SLX4IP: variants seen among roughly 807,000 people sequenced by gnomAD.
SLX4IP encodes protein SLX4IP.
SLX4IP carries 34 observed loss-of-function variants against 32.9 expected under a neutral mutation model. That is an observed-to-expected ratio of 1.03 (90% CI 0.79 to 1.38). The LOEUF (loss-of-function observed/expected upper bound fraction) is 1.38. Ranked by LOEUF, SLX4IP falls within the 40% of genes most tolerant of loss-of-function variation. SLX4IP has a pLI of 0.00. For synonymous variants in SLX4IP, 172 were observed against 171.7 expected, an observed-to-expected ratio of 1.00 and a Z score of -0.01; for missense variants, 444 against 479.0, an observed-to-expected ratio of 0.93 and a Z score of 0.68.
intron 6 of SLX4IP, among the ~76,000 whole-genome samples, chr20:10,602,743 C>T (rs890448192): frequency 5.3e-5 from 8 of 152,106 alleles, no homozygotes; most frequent in Non-Finnish European, 8.8e-5. Flanking sequence ...ATTTTTTAAT[C>T]CGTATGAAAT....
chr20:10,452,033 A>T (rs1444740262), intron 1 of SLX4IP, among the ~76,000 whole-genome samples: 1 of 152,222 alleles, frequency 6.6e-6, no homozygotes, highest in Admixed American at 6.5e-5. Flanking sequence ...TTACTTTTTT[A>T]AAAATGCAAC....
At chr20:10,464,432 G>A (rs1240717343) in intron 2 of SLX4IP, among the ~76,000 whole-genome samples, 1 of 152,142 alleles carries the variant, frequency 6.6e-6, no homozygotes, top group Non-Finnish European at 1.5e-5. Context: ...TGTAATCCCT[G>A]CATTTTGGAA....
chr20:10,612,535 C>CTCTG (rs1316019227), intron 6 of SLX4IP, among the ~76,000 whole-genome samples: 2 of 152,124 alleles, frequency 1.3e-5, no homozygotes, highest in Non-Finnish European at 2.9e-5. Context: ...TTTCAAAATA[C>CTCTG]TCTGGTTGGG....
chr20:10,492,873 A>G (rs2065636106), intron 2 of SLX4IP, among the ~76,000 whole-genome samples: 1 of 152,196 alleles, frequency 6.6e-6, no homozygotes, highest in Non-Finnish European at 1.5e-5. Flanking sequence ...CCTCTGTCAT[A>G]TAGTATGATT....
At position 10,457,510 on chromosome 20, in the gene SLX4IP, T is replaced by G. The variant is rs924527272; in HGVS notation, c.-29-666T>G. Among the ~76,000 whole-genome samples, 77 of 151,968 alleles carry G rather than the reference T, an allele frequency of 5.1e-4. 1 individual carries two copies. The highest frequency in any genetic ancestry group is 1.8e-3 in the African/African-American group (76 of 41,518). ...ATTCTATTAATAGAGTGTATTATAT[T>G]GATTAATTTTCAGATCTTAAACTAT... On this transcript the variant is annotated intron_variant, in intron 1 of 7. Transcript: ENST00000334534.
chr20:10,511,890 A>T (rs1250646160), intron 2 of SLX4IP, among the ~76,000 whole-genome samples: 1 of 152,258 alleles, frequency 6.6e-6, no homozygotes, highest in African/African-American at 2.4e-5. Context: ...AAATTTATTG[A>T]AATTTAACAT....
At chr20:10,512,451 A>G (rs1349560977) in intron 2 of SLX4IP, among the ~76,000 whole-genome samples, 1 of 151,164 alleles carries the variant, frequency 6.6e-6, no homozygotes, top group Non-Finnish European at 1.5e-5. Context: ...TGCTCTGTCA[A>G]CCAGGCTGGA....
At chr20:10,598,582 T>C (rs1315178049) in intron 4 of SLX4IP, 93 bp from the exon 5 acceptor site, 3 of 1,148,544 alleles carry the variant, frequency 2.6e-6, no homozygotes, top group Non-Finnish European at 3.9e-6. Context: ...TAAATAACTA[T>C]TGAATGTGTC....
At chr20:10,498,804 C>A (rs1378814548) in intron 2 of SLX4IP, among the ~76,000 whole-genome samples, 3 of 150,270 alleles carry the variant, frequency 2.0e-5, no homozygotes, top group Non-Finnish European at 3.0e-5. Context: ...TATTAAAATT[C>A]TTTTTGAAAA....
intron 4 of SLX4IP, among the ~76,000 whole-genome samples, chr20:10,592,622 C>CTTTTTTTTTT (rs33995611): frequency 3.6e-5 from 2 of 55,136 alleles, no homozygotes; most frequent in East Asian, 7.5e-4. Context: ...TATTCTTCAT[C>CTTTTTTTTTT]TTTTTTTTTT....
chr20:10,500,133 T>TTC (rs1225999279), intron 2 of SLX4IP, among the ~76,000 whole-genome samples: 1 of 139,392 alleles, frequency 7.2e-6, no homozygotes, highest in Non-Finnish European at 1.6e-5. Context: ...CAAAATTCTT[T>TTC]TTTTTTTTTT....
chr20:10,587,632 G>A (rs1170425162), intron 4 of SLX4IP, among the ~76,000 whole-genome samples: 2 of 152,014 alleles, frequency 1.3e-5, no homozygotes, highest in East Asian at 3.9e-4. Flanking sequence ...AAACAGAATA[G>A]CACTGGCGTA....
chr20:10,474,663 T>C (rs1013661939), intron 2 of SLX4IP, among the ~76,000 whole-genome samples: 5 of 152,206 alleles, frequency 3.3e-5, no homozygotes, highest in Admixed American at 6.5e-5. Flanking sequence ...GGCTGGAGCC[T>C]CTCCACTTCC....
intron 2 of SLX4IP, among the ~76,000 whole-genome samples, chr20:10,493,638 G>A (rs1452433913): frequency 1.3e-5 from 2 of 151,598 alleles, no homozygotes; most frequent in Non-Finnish European, 2.9e-5. Context: ...GCATTGCCTA[G>A]GACCAATGCA....
In SLX4IP at chr20:10,619,639, G is replaced by C. The variant is rs896007602; in HGVS notation, c.406-1675G>C. ...AGCAAAAGGCTTTCTGGTTCCCACA[G>C]AGTTGTTCAAAGCCTGACTCATGCT... On this transcript the variant is annotated intron_variant, in intron 6 of 7. Coordinates refer to ENST00000334534, the MANE Select transcript of SLX4IP (RefSeq NM_001009608.3). Among the ~76,000 whole-genome samples, 4 of 152,168 alleles carry C rather than the reference G, an allele frequency of 2.6e-5. 1 individual carries two copies. The highest frequency in any genetic ancestry group is 9.7e-5 in the African/African-American group (4 of 41,436).
chr20:10,509,811 T>A (rs2065791071), intron 2 of SLX4IP, among the ~76,000 whole-genome samples: 1 of 152,142 alleles, frequency 6.6e-6, no homozygotes, highest in African/African-American at 2.4e-5. Flanking sequence ...CCTTCGGCTT[T>A]CCCAGTATCT....
intron 1 of SLX4IP, among the ~76,000 whole-genome samples, chr20:10,437,090 C>T (rs553013070): frequency 6.6e-6 from 1 of 152,020 alleles, no homozygotes; most frequent in East Asian, 1.9e-4. Context: ...TTTTGTGGCA[C>T]CTTGCTTTCT....
At chr20:10,472,735 T>G (rs780138119) in intron 2 of SLX4IP, among the ~76,000 whole-genome samples, 8 of 152,242 alleles carry the variant, frequency 5.3e-5, no homozygotes, top group Non-Finnish European at 8.8e-5. Context: ...GTTAACTCAC[T>G]TCTATAATAA....
chr20:10,480,111 C>T (rs567412210), intron 2 of SLX4IP, among the ~76,000 whole-genome samples: 5 of 150,594 alleles, frequency 3.3e-5, no homozygotes, highest in East Asian at 2.0e-4. Context: ...AGTAGTCACT[C>T]GGTTGGGTGC....
Sources: gnomAD v4.1 joint callset for allele counts (sites outside exome capture counted in the v4.1 genomes callset) on GRCh38, gnomAD v4.1.1 for gene constraint, MANE v1.5 for transcripts, NCBI Gene and HGNC (gene_info 2026-07-23, HGNC 2026-07-21) for gene names.